HECTD2: variants seen among roughly 807,000 people sequenced by gnomAD.
The protein encoded by HECTD2 is probable E3 ubiquitin-protein ligase HECTD2.
Under a neutral mutation model 103.2 loss-of-function variants are expected in HECTD2, and 35 were observed. That is an observed-to-expected ratio of 0.34 (90% CI 0.26 to 0.45). The LOEUF is 0.45. Ranked by LOEUF, HECTD2 falls within the 20% of genes least tolerant of loss-of-function variation. The pLI is 1.00. For synonymous variants in HECTD2, 281 were observed against 329.9 expected, an observed-to-expected ratio of 0.85 and a Z score of 1.61; for missense variants, 596 against 937.4, an observed-to-expected ratio of 0.64 and a Z score of 4.76.
At chr10:91,427,350 C>T (rs1427742717) in intron 2 of HECTD2, among the ~76,000 whole-genome samples, 1 of 151,888 alleles carries the variant, frequency 6.6e-6, no homozygotes, top group East Asian at 1.9e-4. Flanking sequence ...ATTTATAGTC[C>T]TTTGGGTATA....
chr10:91,467,648 C>G (rs1419855854), intron 5 of HECTD2, among the ~76,000 whole-genome samples: 1 of 150,748 alleles, frequency 6.6e-6, no homozygotes, highest in East Asian at 2.0e-4. Flanking sequence ...AACATCCCCC[C>G]ATCAGAACCT....
In HECTD2 at chr10:91,513,299, T is replaced by C. The variant is rs1005694636; in HGVS notation, c.*915T>C. 6.5e-6 allele frequency: 1 copy of C among 152,672 alleles called. No individual in the cohort carries two copies. The highest frequency in any genetic ancestry group is 6.5e-5 in the Admixed American group (1 of 15,274). The allele number at this position is 152,672 out of a possible 1,614,324, so 9.5% of individuals were successfully genotyped here. On this transcript the variant is annotated 3_prime_UTR_variant, in exon 21 of 21. Coordinates refer to ENST00000298068, the MANE Select transcript of HECTD2 (RefSeq NM_182765.6). ...CTGCTTTTATAAATCTTTTGAATCA[T>C]GTACAAGACTTATATCTACATTTTT...
chr10:91,478,234 A>G lies in HECTD2; in HGVS notation c.634A>G (p.Ile212Val). The change falls in exon 6 of 21, where the codon ATC becomes GTC. Residue 212 changes from isoleucine to valine, a missense_variant. By Grantham distance (29) the Ile-to-Val change is conservative. Coordinates refer to ENST00000298068, the MANE Select transcript of HECTD2 (RefSeq NM_182765.6). ...QDVQKTVLKG[I>V]INSLLREWKG... Reference sequence around the variant, plus strand: ...CGTTCAGAAGACAGTATTAAAGGGAATCATTAACAGCCTGTTACGAGAATG... The same window carrying G: ...CGTTCAGAAGACAGTATTAAAGGGAGTCATTAACAGCCTGTTACGAGAATG... The G allele has an allele frequency of 6.2e-7, 1 of 1,610,240 alleles. No homozygotes were observed. The highest frequency in any genetic ancestry group is 1.1e-5 in the South Asian group (1 of 90,980).
At chr10:91,488,005 G>A (rs1846326847) in intron 11 of HECTD2, 1 of 301,944 alleles carries the variant, frequency 3.3e-6, no homozygotes, top group Admixed American at 4.5e-5. Flanking sequence ...AATATAGTAG[G>A]AAGAGTAAAT....
rs952347733 is a variant in HECTD2, at chr10:91,429,423, C to T, written c.268+4013C>T. ...GAGTTAGGGAGGATTCCCTCTTTTT[C>T]TATTCATTGGAATAGTTTCAGAAGG... On this transcript the variant is annotated intron_variant, in intron 2 of 20. Coordinates refer to ENST00000298068, the MANE Select transcript of HECTD2 (RefSeq NM_182765.6). Among the ~76,000 whole-genome samples the T allele has an allele frequency of 2.0e-5, 3 of 152,046 alleles. No homozygotes were observed. The East Asian group carries it at 5.8e-4, about 29-fold the overall frequency.
chr10:91,485,383 A>G (rs577204113), intron 10 of HECTD2, 80 bp downstream of exon 10: 3 of 1,034,582 alleles, frequency 2.9e-6, no homozygotes, highest in South Asian at 1.5e-5. Context: ...GTTTATATGA[A>G]GTTTACACAT....
intron 1 of HECTD2, among the ~76,000 whole-genome samples, chr10:91,424,392 A>G (rs773024796): frequency 8.5e-5 from 13 of 152,108 alleles, no homozygotes; most frequent in Non-Finnish European, 1.6e-4. Flanking sequence ...GAGATGAAAA[A>G]GAAACTCTTC....
intron 5 of HECTD2, among the ~76,000 whole-genome samples, chr10:91,465,170 T>C (rs994806673): frequency 4.1e-4 from 63 of 152,218 alleles, no homozygotes; most frequent in Middle Eastern, 6.8e-3. Context: ...AACAAACGAG[T>C]AAATATATCA....
At position 91,428,194 on chromosome 10, in the gene HECTD2, T is replaced by TA. The variant is rs1589467453; in HGVS notation, c.268+2784_268+2785insA. On this transcript the variant is annotated intron_variant, in intron 2 of 20. Transcript: ENST00000298068. ...CAAAGATCAGATAGTTGTAGATATG[T>TA]GGCGTTATTTCTGAGGGCTCTGTTC... Among the ~76,000 whole-genome samples, 5 of 151,662 alleles carry TA rather than the reference T, an allele frequency of 3.3e-5. No individual in the cohort carries two copies. In the East Asian group the frequency reaches 9.7e-4, roughly 29 times the overall value.
At chr10:91,458,922 G>C (rs987415799) in intron 2 of HECTD2, among the ~76,000 whole-genome samples, 1 of 151,970 alleles carries the variant, frequency 6.6e-6, no homozygotes, top group Non-Finnish European at 1.5e-5. Context: ...GAAAGACCCT[G>C]TGCAGAGGAT....
At chr10:91,466,787 C>T (rs1320698690) in intron 5 of HECTD2, among the ~76,000 whole-genome samples, 1 of 152,082 alleles carries the variant, frequency 6.6e-6, no homozygotes, top group Non-Finnish European at 1.5e-5. Context: ...AACTGTGGTA[C>T]ATTCCATATC....
chr10:91,484,805 A>G (rs1250779749), intron 9 of HECTD2, 150 bp downstream of exon 9: 5 of 659,372 alleles, frequency 7.6e-6, no homozygotes, highest in East Asian at 5.7e-5. Flanking sequence ...TACTTTGATA[A>G]TAGATTTCAT....
Position 91,467,374 on chromosome 10 carries a change from C to T in HECTD2, c.600+5190C>T, listed in dbSNP as rs574735673. On this transcript the variant is annotated intron_variant, in intron 5 of 20. Transcript: ENST00000298068. ...TGCCCATCCCTCAAGGCTCACTGTG[C>T]TCCTCCTGGAGACTTTAGCCTTGAG... is the stretch of plus-strand genomic sequence containing the variant. 9.9e-5 allele frequency among the ~76,000 whole-genome samples: 15 copies of T among 152,280 alleles called. No individual in the cohort carries two copies. In the South Asian group the frequency reaches 1.7e-3, roughly 17 times the overall value.
chr10:91,471,617 T>G (rs868089458), intron 5 of HECTD2, among the ~76,000 whole-genome samples: 1 of 152,208 alleles, frequency 6.6e-6, no homozygotes, highest in Non-Finnish European at 1.5e-5. Context: ...CAGCAAAGTT[T>G]CTGAATGCAA....
rs58531347 is a variant in HECTD2 at position 91,465,093 on chromosome 10, GT to G, written c.600+2916del. On this transcript the variant is annotated intron_variant, in intron 5 of 20. Coordinates refer to ENST00000298068, the MANE Select transcript of HECTD2 (RefSeq NM_182765.6). Reference sequence around the variant, plus strand: ...AAATCTTTAACTTTTAGTAGTTTGGGTTTTTTTCCCCCCTCAGGGGTATAGA... The same window carrying G: ...AAATCTTTAACTTTTAGTAGTTTGGGTTTTTTCCCCCCTCAGGGGTATAGA... Among the ~76,000 whole-genome samples, 824 of 152,146 alleles carry G rather than the reference GT, an allele frequency of 5.4e-3. 4 individuals are homozygous for G. Among genetic ancestry groups the G allele is most frequent in the African/African-American group, 0.019 (786 of 41,508 alleles).
intron 10 of HECTD2, chr10:91,486,714 T>C (rs1846279824): frequency 6.6e-6 from 1 of 152,182 alleles, no homozygotes; most frequent in African/African-American, 2.4e-5. Flanking sequence ...TCTTACTGAG[T>C]TCATTGCATT....
At chr10:91,510,018 T>C (rs1428425796) in intron 20 of HECTD2, among the ~76,000 whole-genome samples, 1 of 152,082 alleles carries the variant, frequency 6.6e-6, no homozygotes, top group East Asian at 1.9e-4. Flanking sequence ...AAAAAGATAG[T>C]GAATAGTATC....
chr10:91,503,997 G>A (rs939770736), intron 20 of HECTD2, among the ~76,000 whole-genome samples: 6 of 152,128 alleles, frequency 3.9e-5, no homozygotes, highest in Non-Finnish European at 8.8e-5. Context: ...TAACTGGGAG[G>A]CACCCTCCAG....
chr10:91,425,416 T>C lies in HECTD2; in HGVS notation c.268+6T>C, dbSNP rs1843520401. The C allele has an allele frequency of 6.7e-7, 1 of 1,497,128 alleles. No homozygotes were observed. The highest frequency in any genetic ancestry group is 1.4e-5 in the South Asian group (1 of 71,230). 92.7% of individuals were successfully genotyped at this position (1,497,128 alleles called of 1,614,324 possible). On this transcript the variant is annotated splice_donor_region_variant and intron_variant, in intron 2 of 20. Coordinates refer to ENST00000298068, the MANE Select transcript of HECTD2 (RefSeq NM_182765.6). ...TTTCCCTAACATCAAGAATGGTAAA[T>C]AATTTTTAAATATATTTTGGCTAAA...
Sources: allele counts gnomAD v4.1 joint callset (sites outside exome capture counted in the v4.1 genomes callset), GRCh38; gene constraint gnomAD v4.1.1; transcripts MANE v1.5; gene names NCBI Gene and HGNC (gene_info 2026-07-23, HGNC 2026-07-21).